The following IFT56 variants were observed in gnomAD, a reference collection of about 807,000 sequenced individuals.
IFT56 encodes the protein intraflagellar transport protein 56.
At chr7:139,148,318 A>C in the IFT56 span, 1 of 1,614,076 alleles carries the variant, frequency 6.2e-7, no homozygotes, top group Non-Finnish European at 8.5e-7. Context: ...TGATAGTACC[A>C]TCGCACTCAA....
chr7:139,137,158 C>T, the IFT56 span, among the ~76,000 whole-genome samples: 3 of 152,222 alleles, frequency 2.0e-5, no homozygotes, highest in African/African-American at 7.2e-5. Context: ...TATCTTACCA[C>T]GGAAATTCAG....
At chr7:139,172,617 A>T in the IFT56 span, 1 of 594,954 alleles carries the variant, frequency 1.7e-6, no homozygotes, top group East Asian at 4.4e-5. Flanking sequence ...AAAAACCTCA[A>T]ATAGAGATCA....
the IFT56 span, chr7:139,133,836 G>A: frequency 6.2e-7 from 1 of 1,614,224 alleles, no homozygotes. Context: ...GTGTGGTGGG[G>A]ACTCACAAGA....
the IFT56 span, chr7:139,168,401 A>C: frequency 6.2e-7 from 1 of 1,610,136 alleles, no homozygotes; most frequent in African/African-American, 1.3e-5. Context: ...GGGTTCAGTG[A>C]GTATGAAATC....
the IFT56 span, chr7:139,191,970 T>G: frequency 1.3e-5 from 2 of 152,194 alleles, no homozygotes; most frequent in Non-Finnish European, 2.9e-5. Flanking sequence ...AAATTAAAGT[T>G]TATTATTTGA....
At chr7:139,148,628 A>T in the IFT56 span, among the ~76,000 whole-genome samples, 35 of 152,312 alleles carry the variant, frequency 2.3e-4, no homozygotes, top group Admixed American at 1.4e-3. Context: ...TTTAAAACCA[A>T]ATGCTTATGT....
chr7:139,150,591 C>G, the IFT56 span, among the ~76,000 whole-genome samples: 2 of 152,216 alleles, frequency 1.3e-5, no homozygotes, highest in Non-Finnish European at 2.9e-5. Flanking sequence ...AAGGCTATGT[C>G]AAATGTACCA....
chr7:139,140,440 G>C, the IFT56 span, among the ~76,000 whole-genome samples: 805 of 143,782 alleles, frequency 5.6e-3, 9 homozygotes, highest in African/African-American at 0.023. Context: ...ATTCATCTCA[G>C]GGCGATTGTA....
the IFT56 span, chr7:139,142,346 A>AT: frequency 1.1e-5 from 17 of 1,553,442 alleles, no homozygotes; most frequent in Non-Finnish European, 1.5e-5. Flanking sequence ...TTTTAAAAAT[A>AT]TTTTTATTTT....
the IFT56 span, chr7:139,133,994 C>CG: frequency 9.2e-7 from 1 of 1,091,510 alleles, no homozygotes. Flanking sequence ...TGTGTTCCCA[C>CG]GGGGGACAGG....
chr7:139,165,981 G>A, the IFT56 span, among the ~76,000 whole-genome samples: 8 of 152,028 alleles, frequency 5.3e-5, no homozygotes, highest in East Asian at 1.9e-4. Flanking sequence ...CTTTTGAGAC[G>A]GAGTCTTACT....
At chr7:139,158,563 G>A in the IFT56 span, among the ~76,000 whole-genome samples, 16 of 152,058 alleles carry the variant, frequency 1.1e-4, no homozygotes, top group African/African-American at 2.2e-4. Flanking sequence ...CTATTAAGAC[G>A]GTCATATCAT....
At chr7:139,179,786 T>C in the IFT56 span, 11 of 663,642 alleles carry the variant, frequency 1.7e-5, no homozygotes, top group East Asian at 2.5e-4. Flanking sequence ...AAATTAAGCG[T>C]TGTTAATGCT....
chr7:139,166,515 TTAA>T, the IFT56 span, among the ~76,000 whole-genome samples: 1 of 131,766 alleles, frequency 7.6e-6, no homozygotes, highest in Non-Finnish European at 1.5e-5. Context: ...TCCTATATAC[TTAA>T]TATATATATA....
At chr7:139,183,584 TGA>T in the IFT56 span, among the ~76,000 whole-genome samples, 1 of 151,974 alleles carries the variant, frequency 6.6e-6, no homozygotes, top group African/African-American at 2.4e-5. Context: ...AGACATCTAT[TGA>T]GAGAGTGGAT....
the IFT56 span, among the ~76,000 whole-genome samples, chr7:139,135,499 G>A: frequency 0.14 from 21,908 of 151,988 alleles, 3,099 homozygotes; most frequent in African/African-American, 0.33. Context: ...ACATGCTTAC[G>A]GTTGAAAATA....
At chr7:139,180,401 T>G in the IFT56 span, among the ~76,000 whole-genome samples, 1 of 151,884 alleles carries the variant, frequency 6.6e-6, no homozygotes, top group Non-Finnish European at 1.5e-5. Flanking sequence ...TTCTTGTTCC[T>G]TTTTAAAACT....
chr7:139,191,413 A>G, the IFT56 span: 3 of 152,232 alleles, frequency 2.0e-5, no homozygotes, highest in Non-Finnish European at 4.4e-5. Context: ...TAGAAAAGAC[A>G]GGGAGAACTC....
chr7:139,141,035 C>T, the IFT56 span, among the ~76,000 whole-genome samples: 17 of 148,638 alleles, frequency 1.1e-4, no homozygotes, highest in South Asian at 3.4e-3. Flanking sequence ...CCGAGGTGGG[C>T]GGATCACGAG....
Sources: allele counts gnomAD v4.1 joint callset (sites outside exome capture counted in the v4.1 genomes callset), GRCh38; gene constraint gnomAD v4.1.1; transcripts MANE v1.5; gene names NCBI Gene and HGNC (gene_info 2026-07-23, HGNC 2026-07-21).